Variants in SLC48A1 observed in about 807,000 individuals in gnomAD.
The protein encoded by SLC48A1 is solute carrier family 48 member 1, also known as heme transporter HRG1.
In SLC48A1, 6 loss-of-function variants were observed where a neutral mutation model predicts 14.8. That is an observed-to-expected ratio of 0.41 (90% CI 0.22 to 0.80). The LOEUF is 0.80. Ranked by LOEUF, SLC48A1 falls within the 30% of genes least tolerant of loss-of-function variation. SLC48A1 has a pLI of 0.34. For synonymous variants in SLC48A1, 89 were observed against 90.0 expected (o/e 0.99, Z 0.06); for missense variants, 165 against 204.8 (o/e 0.81, Z 1.19).
At position 47,773,312 on chromosome 12, in the gene SLC48A1, C is replaced by T. The variant is rs1188551965; in HGVS notation, c.8C>T (p.Pro3Leu). The T allele has an allele frequency of 3.4e-6, 5 of 1,462,086 alleles. No individual in the cohort carries two copies. Among genetic ancestry groups the T allele is most frequent in the Non-Finnish European group, 3.6e-6 (4 of 1,106,058 alleles). 90.6% of individuals were successfully genotyped at this position (1,462,086 alleles called of 1,614,324 possible). The change falls in exon 1 of 3, where the codon CCG becomes CTG. Residue 3 changes from proline (P) to leucine (L), a missense_variant. By Grantham distance (98) the Pro-to-Leu change is moderately conservative (BLOSUM62 -3). Coordinates refer to ENST00000442218, the MANE Select transcript of SLC48A1 (RefSeq NM_017842.3). MA[P>L]SRLQLGLRAA... ...GCCCGGCGCCGCAGCCCCATGGCCCCGTCCAGGCTGCAGCTCGGCCTCCGC... is the reference window on the plus strand; with the variant it reads ...GCCCGGCGCCGCAGCCCCATGGCCCTGTCCAGGCTGCAGCTCGGCCTCCGC...
At chr12:47,766,438 G>A (rs1592598974) in intron 2 of SLC48A1, among the ~76,000 whole-genome samples, 1 of 152,174 alleles carries the variant, frequency 6.6e-6, no homozygotes, top group East Asian at 1.9e-4. Context: ...CCAAGTCCCT[G>A]TGGAGGTGAA....
upstream of SLC48A1, chr12:47,769,290 G>A (rs1159421450): frequency 1.3e-5 from 2 of 152,312 alleles, no homozygotes; most frequent in African/African-American, 2.4e-5. Context: ...CGCAGGCAGG[G>A]AGAATGGCTG....
upstream of SLC48A1, chr12:47,758,402 T>G: frequency 6.5e-7 from 1 of 1,530,496 alleles, no homozygotes; most frequent in Non-Finnish European, 8.8e-7. Context: ...ATTCACTAGG[T>G]CTCCCAGAAA....
In SLC48A1 at chr12:47,780,403, C is replaced by A; in HGVS notation, c.*122C>A. ...CAGAACTGTGGCAGAAAATACACAG[C>A]AGGACGAGTGTGGTCTCCCAGGAAG... On this transcript the variant is annotated 3_prime_UTR_variant, in exon 3 of 3. Transcript: ENST00000442218. The A allele has an allele frequency of 1.4e-6, 2 of 1,462,128 alleles. No individual in the cohort carries two copies. Among genetic ancestry groups the A allele is most frequent in the Non-Finnish European group, 1.9e-6 (2 of 1,042,194 alleles). The allele number at this position is 1,462,128 out of a possible 1,614,324, so 90.6% of individuals were successfully genotyped here. A position where few individuals can be genotyped will look rare whatever the true frequency, so the allele number is the denominator to read the frequency against.
At chr12:47,779,694 T>C (rs926135054) in intron 2 of SLC48A1, among the ~76,000 whole-genome samples, 6 of 152,190 alleles carry the variant, frequency 3.9e-5, no homozygotes, top group Non-Finnish European at 8.8e-5. Flanking sequence ...TCCGTTCTAC[T>C]GTTCCAGGCT....
At position 47,780,303 on chromosome 12, in the gene SLC48A1, A is replaced by G. The variant is rs753578698; in HGVS notation, c.*22A>G. 6.2e-7 allele frequency: 1 copy of G among 1,614,036 alleles called. No homozygotes were observed. The highest frequency in any genetic ancestry group is 2.2e-5 in the East Asian group (1 of 44,874). Reference sequence around the variant, plus strand: ...CTGACCCAGGGGGTGAGGTCTCTGCACCCTGGGGGGGCCTTAGGACCTGGA... The same window carrying G: ...CTGACCCAGGGGGTGAGGTCTCTGCGCCCTGGGGGGGCCTTAGGACCTGGA... On this transcript the variant is annotated 3_prime_UTR_variant, in exon 3 of 3. Coordinates refer to ENST00000442218, the MANE Select transcript of SLC48A1 (RefSeq NM_017842.3).
upstream of SLC48A1, among the ~76,000 whole-genome samples, chr12:47,772,976 C>T (rs1390311925): frequency 6.6e-6 from 1 of 152,144 alleles, no homozygotes; most frequent in East Asian, 1.9e-4. Context: ...TCGCGGTTCG[C>T]TCGTATAAAG....
At chr12:47,776,488 C>T (rs1384135777) in intron 1 of SLC48A1, among the ~76,000 whole-genome samples, 1 of 152,060 alleles carries the variant, frequency 6.6e-6, no homozygotes, top group African/African-American at 2.4e-5. Context: ...GTGAGGGGCT[C>T]CATCTCCTTC....
rs1448762346 is a variant in SLC48A1 at position 47,773,412 on chromosome 12, G to A, written c.108G>A (p.Pro36=). Residue 36 remains proline (P), a synonymous_variant, in exon 1 of 3, where the codon CCG becomes CCA. Transcript: ENST00000442218. ...TCTGGACGGTGGTCTACCGACAGCC[G>A]GGGACCGCGGCCATGGGAGGGCTCG... ...FLVWTVVYRQ[P]GTAAMGGLAG... 5.5e-6 allele frequency: 8 copies of A among 1,444,170 alleles called. No individual in the cohort carries two copies. Among genetic ancestry groups the A allele is most frequent in the Non-Finnish European group, 7.3e-6 (8 of 1,092,380 alleles). 89.5% of individuals were successfully genotyped at this position (1,444,170 alleles called of 1,614,324 possible). A position where few individuals can be genotyped will look rare whatever the true frequency, so the allele number is the denominator to read the frequency against.
chr12:47,766,652 C>T (rs1942521057), upstream of SLC48A1, among the ~76,000 whole-genome samples: 1 of 152,120 alleles, frequency 6.6e-6, no homozygotes, highest in Non-Finnish European at 1.5e-5. Flanking sequence ...GATCCCCCTC[C>T]CCTCCCCCTG....
intron 1 of SLC48A1, among the ~76,000 whole-genome samples, chr12:47,775,261 T>C (rs1942721516): frequency 6.6e-6 from 1 of 152,204 alleles, no homozygotes; most frequent in Non-Finnish European, 1.5e-5. Context: ...GGGAGTTGCC[T>C]GGGGTTTTCT....
intron 1 of SLC48A1, among the ~76,000 whole-genome samples, chr12:47,774,059 G>A (rs1243138489): frequency 6.6e-6 from 1 of 152,222 alleles, no homozygotes; most frequent in African/African-American, 2.4e-5. Flanking sequence ...TTCCACCCAT[G>A]TTGGTGCCTT....
upstream of SLC48A1, among the ~76,000 whole-genome samples, chr12:47,767,885 A>AC (rs1339899896): frequency 6.6e-6 from 1 of 152,174 alleles, no homozygotes; most frequent in Non-Finnish European, 1.5e-5. Context: ...AGCTGGCAAG[A>AC]CCCCAATCAA....
chr12:47,765,819 C>T (rs901574547), intron 2 of SLC48A1, among the ~76,000 whole-genome samples: 1 of 152,218 alleles, frequency 6.6e-6, no homozygotes, highest in Non-Finnish European at 1.5e-5. Flanking sequence ...GCGTGCCTTG[C>T]GTGGTCAGTG....
chr12:47,768,175 C>T (rs563863530), upstream of SLC48A1, among the ~76,000 whole-genome samples: 149 of 152,270 alleles, frequency 9.8e-4, 1 homozygote, highest in African/African-American at 3.5e-3. Context: ...ATGGGTTTTG[C>T]CATGTTGGCC....
chr12:47,770,077 T>C (rs1307984278), upstream of SLC48A1, among the ~76,000 whole-genome samples: 1 of 152,214 alleles, frequency 6.6e-6, no homozygotes, highest in Non-Finnish European at 1.5e-5. Context: ...TTGCCCAGGG[T>C]CACAGCAAAT....
intron 2 of SLC48A1, among the ~76,000 whole-genome samples, chr12:47,763,647 G>A (rs1942441444): frequency 6.6e-6 from 1 of 152,300 alleles, no homozygotes; most frequent in East Asian, 1.9e-4. Context: ...TCCTGGGGTG[G>A]GGGGCAGCGG....
chr12:47,770,912 C>G (rs115096685), upstream of SLC48A1: 921 of 456,652 alleles, frequency 2.0e-3, 8 homozygotes, highest in African/African-American at 0.017. Flanking sequence ...ACGTGCGGTT[C>G]CCACTGCCTG....
chr12:47,767,196 G>T (rs535079087), upstream of SLC48A1, among the ~76,000 whole-genome samples: 10 of 152,090 alleles, frequency 6.6e-5, 1 homozygote, highest in South Asian at 2.1e-3. Flanking sequence ...GGCTGGGGTG[G>T]GGGGGTGGAG....
Sources: gnomAD v4.1 joint callset for allele counts (sites outside exome capture counted in the v4.1 genomes callset) on GRCh38, gnomAD v4.1.1 for gene constraint, MANE v1.5 for transcripts, NCBI Gene and HGNC (gene_info 2026-07-23, HGNC 2026-07-21) for gene names.